KIAA1549: variants seen among roughly 807,000 people sequenced by gnomAD.
KIAA1549 encodes the protein KIAA1549.
A neutral mutation model predicts 156.4 loss-of-function variants in KIAA1549; 70 were observed. That is an observed-to-expected ratio of 0.45 (90% CI 0.37 to 0.55). The LOEUF (loss-of-function observed/expected upper bound fraction) is 0.55, where lower values mean the gene tolerates loss of function less well. KIAA1549 is among the 20% of genes least tolerant of loss of function. The pLI is 0.00. For missense variants in KIAA1549, 2,428 were observed against 2,540.9 expected (o/e 0.96, Z 0.96); for synonymous variants, 1,103 against 1,066.4 (o/e 1.03, Z -0.67).
chr7:138,927,592 T>C (rs527285127), intron 1 of KIAA1549, among the ~76,000 whole-genome samples: 1 of 152,326 alleles, frequency 6.6e-6, no homozygotes, highest in African/African-American at 2.4e-5. Context: ...GAGCCGAAAC[T>C]GTGCCACTGC....
intron 1 of KIAA1549, among the ~76,000 whole-genome samples, chr7:138,950,097 G>T (rs140879764): frequency 4.9e-4 from 74 of 152,292 alleles, no homozygotes; most frequent in Middle Eastern, 3.4e-3. Flanking sequence ...ATTTCAGCTG[G>T]GGATGGTAGT....
At position 138,871,524 on chromosome 7, in the gene KIAA1549, TTAAA is replaced by T. The variant is rs149998865; in HGVS notation, c.4346-166_4346-163del. ...GTGTTTACAATTTCACTCTCTGAGC[TTAAA>T]TAGTCTGGGCTATATACTGTATCCT... On this transcript the variant is annotated intron_variant, in intron 12 of 19. Coordinates refer to ENST00000422774, the MANE Select transcript of KIAA1549 (RefSeq NM_001164665.2). 5.8e-3 allele frequency among the ~76,000 whole-genome samples: 884 copies of T among 152,358 alleles called. 5 individuals carry two copies. The highest frequency in any genetic ancestry group is 0.019 in the African/African-American group (785 of 41,580).
intron 15 of KIAA1549, among the ~76,000 whole-genome samples, chr7:138,865,226 CA>C (rs1289904032): frequency 1.5e-4 from 22 of 144,720 alleles, no homozygotes; most frequent in Admixed American, 2.8e-4. Context: ...TGGAGTGTCT[CA>C]AAAAAAAAAA....
At position 138,861,260 on chromosome 7, in the gene KIAA1549, C is replaced by T. The variant is rs367803830; in HGVS notation, c.5126G>A (p.Gly1709Asp). The change falls in exon 16 of 20, where the codon GGT (glycine) becomes GAT (aspartate). Residue 1709 changes from glycine (G) to aspartate (D), a missense_variant. Gly to Asp is a moderately conservative substitution (Grantham distance 94). Transcript: ENST00000422774. ...APSSQPASTA[G>D]VGPGVPPGLP... ...GCCGGGTGGGACTCCGGGGCCTACA[C>T]CTGCGGTGCTGGCAGGCTGGCTGCT... 39 of 1,609,354 alleles carry T rather than the reference C, an allele frequency of 2.4e-5. No homozygotes were observed. The highest frequency in any genetic ancestry group is 3.3e-5 in the Non-Finnish European group (39 of 1,178,816).
rs182156718 is a variant in KIAA1549, at chr7:138,855,084, G to A, written c.5248-2815C>T. On this transcript the variant is annotated intron_variant, in intron 16 of 19. Coordinates refer to ENST00000422774, the MANE Select transcript of KIAA1549 (RefSeq NM_001164665.2). ...CCACTTAGAGAGAGTACACTGAGGG[G>A]TGCACTGGCAGTCAGGGTGAAGGGG... 4.0e-4 allele frequency among the ~76,000 whole-genome samples: 61 copies of A among 152,294 alleles called. 1 individual carries two copies. In the East Asian group the frequency reaches 0.011, roughly 28 times the overall value.
chr7:138,978,617 C>G (rs901036341), intron 1 of KIAA1549, among the ~76,000 whole-genome samples: 1 of 152,124 alleles, frequency 6.6e-6, no homozygotes, highest in African/African-American at 2.4e-5. Flanking sequence ...CAAAAGTTAA[C>G]AAGAGAAGCC....
At chr7:138,975,548 ATTAACCC>A (rs1814350761) in intron 1 of KIAA1549, among the ~76,000 whole-genome samples, 1 of 152,176 alleles carries the variant, frequency 6.6e-6, no homozygotes, top group African/African-American at 2.4e-5. Flanking sequence ...CGCTAATCTC[ATTAACCC>A]TTTCTTACAC....
chr7:138,919,298 TGACATGGAGAG>T lies in KIAA1549; in HGVS notation c.317_327del (p.Pro106HisfsTer10). On this transcript the variant is annotated frameshift_variant, in exon 2 of 20. Transcript: ENST00000422774. LOFTEE classifies it high-confidence loss of function. Reference sequence around the variant, plus strand: ...AAAGTAGTGGCAGACGGCGGGGCTGTGACATGGAGAGGACTGCTGTGCTGGGAGCCGGGAGC... The same window carrying T: ...AAAGTAGTGGCAGACGGCGGGGCTGTGACTGCTGTGCTGGGAGCCGGGAGC... 6.2e-7 allele frequency: 1 copy of T among 1,614,022 alleles called. No individual in the cohort carries two copies. The highest frequency in any genetic ancestry group is 8.5e-7 in the Non-Finnish European group (1 of 1,179,910).
intron 15 of KIAA1549, among the ~76,000 whole-genome samples, chr7:138,866,939 A>C (rs1330776075): frequency 6.6e-6 from 1 of 152,008 alleles, no homozygotes; most frequent in African/African-American, 2.4e-5. Flanking sequence ...AGTAGCTGGG[A>C]TTACAGGCAT....
chr7:138,869,706 C>T lies in KIAA1549; in HGVS notation c.4607G>A (p.Arg1536His), dbSNP rs761035412. 6.2e-7 allele frequency: 1 copy of T among 1,612,248 alleles called. No individual in the cohort carries two copies. The highest frequency in any genetic ancestry group is 8.5e-7 in the Non-Finnish European group (1 of 1,179,862). ...SEIEHHRNKI[R>H]LRAKRRGHYE... Reference sequence around the variant, plus strand: ...GTGCCCGCGGCGCTTGGCGCGCAGGCGGATCTTGTTGCGATGGTGCTCGAT... The same window carrying T: ...GTGCCCGCGGCGCTTGGCGCGCAGGTGGATCTTGTTGCGATGGTGCTCGAT... Residue 1536 changes from arginine (R) to histidine (H), a missense_variant, in exon 14 of 20, where the codon CGC becomes CAC. Physicochemically the swap from Arg to His is conservative, Grantham distance 29 (BLOSUM62 0). Coordinates refer to ENST00000422774, the MANE Select transcript of KIAA1549 (RefSeq NM_001164665.2).
At chr7:138,955,570 G>A (rs760041342) in intron 1 of KIAA1549, among the ~76,000 whole-genome samples, 11 of 148,302 alleles carry the variant, frequency 7.4e-5, no homozygotes, top group Non-Finnish European at 1.6e-4. Flanking sequence ...GCACAGCAGG[G>A]TGAAAGTATA....
intron 1 of KIAA1549, among the ~76,000 whole-genome samples, chr7:138,975,844 T>G (rs1814361840): frequency 6.6e-6 from 1 of 152,192 alleles, no homozygotes; most frequent in African/African-American, 2.4e-5. Flanking sequence ...TTCAGGGCAC[T>G]GATAGAAAAC....
At chr7:138,854,658 G>T (rs556825765) in intron 16 of KIAA1549, among the ~76,000 whole-genome samples, 1 of 151,994 alleles carries the variant, frequency 6.6e-6, no homozygotes, top group Non-Finnish European at 1.5e-5. Flanking sequence ...TATTAGATAT[G>T]CACAGATAAA....
intron 10 of KIAA1549, among the ~76,000 whole-genome samples, chr7:138,888,937 G>T (rs1811473730): frequency 6.6e-6 from 1 of 152,114 alleles, no homozygotes; most frequent in South Asian, 2.1e-4. Flanking sequence ...AATCCTAACA[G>T]GAGCGATTTC....
At chr7:138,895,213 A>G (rs1201514667) in intron 9 of KIAA1549, among the ~76,000 whole-genome samples, 1 of 152,226 alleles carries the variant, frequency 6.6e-6, no homozygotes, top group African/African-American at 2.4e-5. Flanking sequence ...TCACCGAATA[A>G]TTTCATATTG....
At chr7:138,851,576 G>T (rs1163520560) in intron 17 of KIAA1549, among the ~76,000 whole-genome samples, 2 of 151,686 alleles carry the variant, frequency 1.3e-5, no homozygotes, top group Non-Finnish European at 2.9e-5. Flanking sequence ...GTGTGGGGGT[G>T]TGTGTGGAAG....
At chr7:138,965,023 C>T (rs559467957) in intron 1 of KIAA1549, among the ~76,000 whole-genome samples, 35 of 149,670 alleles carry the variant, frequency 2.3e-4, no homozygotes, top group African/African-American at 7.4e-4. Flanking sequence ...TGCCGTGGTG[C>T]GATCTCGGCT....
Position 138,831,767 on chromosome 7 carries a change from A to C in KIAA1549, c.*6139T>G, listed in dbSNP as rs1454864103. 16 of 232,034 alleles carry C rather than the reference A, an allele frequency of 6.9e-5. No individual in the cohort carries two copies. In the East Asian group the frequency reaches 9.7e-4, roughly 14 times the overall value. The allele number at this position is 232,034 out of a possible 1,614,324, so 14.4% of individuals were successfully genotyped here. A position where few individuals can be genotyped will look rare whatever the true frequency, so the allele number is the denominator to read the frequency against. On this transcript the variant is annotated 3_prime_UTR_variant, in exon 20 of 20. Transcript: ENST00000422774. ...GGACCTTGACAAAGGAGGGAGAGAC[A>C]AGTCAGTACTCCAGGGCAGCTCTGC...
At chr7:138,887,972 A>G (rs1811446476) in intron 10 of KIAA1549, among the ~76,000 whole-genome samples, 1 of 152,220 alleles carries the variant, frequency 6.6e-6, no homozygotes, top group South Asian at 2.1e-4. Flanking sequence ...AGAACAGGGA[A>G]GAGGACGGCA....
Sources: allele counts gnomAD v4.1 joint callset (sites outside exome capture counted in the v4.1 genomes callset), GRCh38; gene constraint gnomAD v4.1.1; transcripts MANE v1.5; gene names NCBI Gene and HGNC (gene_info 2026-07-23, HGNC 2026-07-21).